DLG2: variants seen among roughly 807,000 people sequenced by gnomAD.
The protein encoded by DLG2 is discs large MAGUK scaffold protein 2.
DLG2 carries 45 observed loss-of-function variants against 132.5 expected under a neutral mutation model. That is an observed-to-expected ratio of 0.34 (90% CI 0.27 to 0.44). The LOEUF is 0.44. DLG2 is among the 20% of genes least tolerant of loss of function. The probability of loss-of-function intolerance (pLI) is 1.00; values close to 1 mark genes in which losing one functional copy is unlikely to be tolerated. For missense variants in DLG2, 1,045 were observed against 1,196.9 expected (o/e 0.87, Z 1.87); for synonymous variants, 424 against 419.6 (o/e 1.01, Z -0.13).
At chr11:84,050,431 T>G (rs977200827) in intron 11 of DLG2, among the ~76,000 whole-genome samples, 5 of 152,010 alleles carry the variant, frequency 3.3e-5, no homozygotes, top group African/African-American at 1.2e-4. Flanking sequence ...TTTTGTCAGA[T>G]GAGTAGATTG....
chr11:84,670,908 C>T (rs1469084913), intron 6 of DLG2, among the ~76,000 whole-genome samples: 1 of 151,894 alleles, frequency 6.6e-6, no homozygotes, highest in Non-Finnish European at 1.5e-5. Flanking sequence ...GAGTAGATAC[C>T]TTTTTGTACT....
chr11:84,991,933 T>C (rs2057165544), intron 6 of DLG2, among the ~76,000 whole-genome samples: 1 of 152,232 alleles, frequency 6.6e-6, no homozygotes, highest in Non-Finnish European at 1.5e-5. Context: ...CAAATTCTTT[T>C]TGGTCTAAAT....
At chr11:83,658,759 T>C (rs145044692) in intron 18 of DLG2, among the ~76,000 whole-genome samples, 5 of 152,352 alleles carry the variant, frequency 3.3e-5, no homozygotes, top group African/African-American at 9.6e-5. Flanking sequence ...GTTTTCTGCA[T>C]TTTAAGCACC....
chr11:83,819,469 C>CA (rs398016925), intron 17 of DLG2, among the ~76,000 whole-genome samples: 1,430 of 27,962 alleles, frequency 0.051, 88 homozygotes, highest in Admixed American at 0.099. Context: ...GACTCTATCT[C>CA]AAAAAAAAAA....
intron 4 of DLG2, among the ~76,000 whole-genome samples, chr11:85,217,665 A>G (rs1354734643): frequency 1.3e-5 from 2 of 152,174 alleles, no homozygotes; most frequent in African/African-American, 4.8e-5. Context: ...AAACCACTCA[A>G]TCACAAGTAC....
chr11:84,880,266 A>G (rs769629973), intron 6 of DLG2, among the ~76,000 whole-genome samples: 5 of 152,130 alleles, frequency 3.3e-5, no homozygotes, highest in Non-Finnish European at 7.4e-5. Context: ...CCTGCCTACA[A>G]AACAGAGCCA....
intron 17 of DLG2, among the ~76,000 whole-genome samples, chr11:83,787,484 G>A (rs1296821999): frequency 1.3e-5 from 2 of 151,734 alleles, no homozygotes; most frequent in African/African-American, 2.4e-5. Context: ...ACCACGCCCG[G>A]CTAATTTTTT....
chr11:84,877,897 G>A (rs1418417626), intron 6 of DLG2, among the ~76,000 whole-genome samples: 1 of 152,092 alleles, frequency 6.6e-6, no homozygotes, highest in Non-Finnish European at 1.5e-5. Context: ...CAAAAAGTGG[G>A]AGAAGAATAT....
chr11:84,810,621 G>A (rs572749392), intron 6 of DLG2, among the ~76,000 whole-genome samples: 1 of 152,218 alleles, frequency 6.6e-6, no homozygotes, highest in African/African-American at 2.4e-5. Context: ...TAACCTAGTA[G>A]TTAACCTAGA....
At chr11:84,747,896 T>C (rs983621257) in intron 6 of DLG2, among the ~76,000 whole-genome samples, 7 of 152,150 alleles carry the variant, frequency 4.6e-5, no homozygotes, top group Admixed American at 1.3e-4. Context: ...CTGCGCCTAA[T>C]AGAAGGAGAC....
intron 20 of DLG2, among the ~76,000 whole-genome samples, chr11:83,533,979 A>G (rs1250734296): frequency 6.6e-6 from 1 of 152,164 alleles, no homozygotes; most frequent in Non-Finnish European, 1.5e-5. Flanking sequence ...CCAGGTGAGA[A>G]ATAATGAGAA....
At chr11:84,766,065 A>G (rs569721174) in intron 6 of DLG2, among the ~76,000 whole-genome samples, 1 of 152,128 alleles carries the variant, frequency 6.6e-6, no homozygotes, top group East Asian at 1.9e-4. Flanking sequence ...AATGAAGTGC[A>G]ATACTCCTTC....
chr11:83,809,118 G>A (rs936836602), intron 17 of DLG2, among the ~76,000 whole-genome samples: 2 of 152,054 alleles, frequency 1.3e-5, no homozygotes, highest in African/African-American at 4.8e-5. Context: ...CCTATGACTG[G>A]CTGTTTACCA....
At chr11:85,257,763 TC>T (rs758865485) in intron 4 of DLG2, among the ~76,000 whole-genome samples, 16 of 152,140 alleles carry the variant, frequency 1.1e-4, no homozygotes, top group Non-Finnish European at 1.8e-4. Flanking sequence ...GAATTTACCT[TC>T]CCAGGAAACA....
At chr11:84,346,473 C>T (rs1176270850) in intron 7 of DLG2, among the ~76,000 whole-genome samples, 1 of 152,238 alleles carries the variant, frequency 6.6e-6, no homozygotes, top group Non-Finnish European at 1.5e-5. Context: ...CTGAAGGTCA[C>T]TCAGCTAGCA....
At chr11:85,221,171 T>C (rs1381123687) in intron 4 of DLG2, among the ~76,000 whole-genome samples, 4 of 151,578 alleles carry the variant, frequency 2.6e-5, no homozygotes, top group Non-Finnish European at 5.9e-5. Context: ...GCCTCTCGAG[T>C]AGCTGGGACT....
At chr11:83,577,687 A>G (rs1334125075) in intron 19 of DLG2, among the ~76,000 whole-genome samples, 1 of 126,370 alleles carries the variant, frequency 7.9e-6, no homozygotes, top group Non-Finnish European at 1.6e-5. Flanking sequence ...TTTATATCCT[A>G]TAATAAATAG....
chr11:85,021,179 C>G, intron 6 of DLG2: 1 of 988,120 alleles, frequency 1.0e-6, no homozygotes, highest in Non-Finnish European at 1.6e-6. Context: ...TTGAAGCCAG[C>G]TTTTTCCCTT....
rs554209442 is a variant in DLG2 at position 84,078,656 on chromosome 11, C to A, written c.750-19172G>T. 3.3e-5 allele frequency among the ~76,000 whole-genome samples: 5 copies of A among 152,240 alleles called. No individual in the cohort carries two copies. In the South Asian group the frequency reaches 8.3e-4, roughly 25 times the overall value. On this transcript the variant is annotated intron_variant, in intron 10 of 27. Transcript: ENST00000376104. ...ATCTGGATATTAAGTGACATAAATC[C>A]ACCTATGTACTCCTAGAGGTACACC... is the stretch of plus-strand genomic sequence containing the variant.
Sources: gnomAD v4.1 joint callset for allele counts (sites outside exome capture counted in the v4.1 genomes callset) on GRCh38, gnomAD v4.1.1 for gene constraint, MANE v1.5 for transcripts, NCBI Gene and HGNC (gene_info 2026-07-23, HGNC 2026-07-21) for gene names.